Variants in LAMA1 observed in about 807,000 individuals in gnomAD.
The protein encoded by LAMA1 is laminin subunit alpha 1.
A neutral mutation model predicts 348.7 loss-of-function variants in LAMA1; 219 were observed. That is an observed-to-expected ratio of 0.63 (90% CI 0.56 to 0.70). LAMA1 has a LOEUF of 0.70. Among genes scored for constraint, LAMA1 ranks in the 30% least tolerant of loss-of-function variants. The pLI is 0.00. For synonymous variants in LAMA1, 1,487 were observed against 1,491.0 expected (o/e 1.00, Z 0.06); for missense variants, 3,744 against 3,888.0 (o/e 0.96, Z 0.99).
intron 25 of LAMA1, 56 bp from the exon 26 acceptor site, chr18:7,010,441 T>G: frequency 6.7e-7 from 1 of 1,501,608 alleles, no homozygotes. Context: ...TTCAAAAACA[T>G]TTTATTGCAA....
At chr18:7,022,481 C>A (rs1284596720) in intron 19 of LAMA1, among the ~76,000 whole-genome samples, 1 of 152,152 alleles carries the variant, frequency 6.6e-6, no homozygotes, top group Non-Finnish European at 1.5e-5. Context: ...CAGCTGGTGC[C>A]CTCTTGTGTC....
rs1206248496 is a variant in LAMA1 at position 6,999,971 on chromosome 18, C to T, written c.4409G>A (p.Gly1470Glu). ...GGCGTCACAACGGAAATCGTGGTCC[C>T]CTTCCAAGACACAAGTGGGACTAAA... is the stretch of plus-strand genomic sequence containing the variant. ...ASFSPTCVLE[G>E]DHDFRCDACL... Residue 1470 changes from glycine (G) to glutamate (E), a missense_variant, in exon 31 of 63, where the codon GGG becomes GAG. Transcript: ENST00000389658. The T allele has an allele frequency of 1.9e-6, 3 of 1,613,840 alleles. No individual in the cohort carries two copies. The highest frequency in any genetic ancestry group is 1.3e-5 in the African/African-American group (1 of 74,898).
chr18:7,002,936 A>G (rs1466032740), intron 29 of LAMA1, among the ~76,000 whole-genome samples: 1 of 151,676 alleles, frequency 6.6e-6, no homozygotes, highest in African/African-American at 2.4e-5. Flanking sequence ...GCTAGAGTGC[A>G]GTGGTGCAAT....
At chr18:6,987,779 C>G (rs557191360) in intron 36 of LAMA1, among the ~76,000 whole-genome samples, 1 of 152,212 alleles carries the variant, frequency 6.6e-6, no homozygotes, top group African/African-American at 2.4e-5. Flanking sequence ...ATAACATCGG[C>G]ACTTATAATT....
chr18:7,054,605 C>T (rs1430179090), intron 3 of LAMA1, among the ~76,000 whole-genome samples: 3 of 152,202 alleles, frequency 2.0e-5, no homozygotes, highest in Non-Finnish European at 2.9e-5. Context: ...CCATGCAATA[C>T]ATGTGTGTAA....
In LAMA1 at chr18:6,977,892, C is replaced by T; in HGVS notation, c.6191-11G>A. On this transcript the variant is annotated splice_polypyrimidine_tract_variant and intron_variant, in intron 43 of 62. Coordinates refer to ENST00000389658, the MANE Select transcript of LAMA1 (RefSeq NM_005559.4). The stretch of plus-strand genomic sequence containing the variant: ...TTCCAGCCAACAGAGCTAACAAATA[C>T]AAGAAGGCAAGGGGTGGCAAGAAAG... The T allele has an allele frequency of 6.2e-7, 1 of 1,609,528 alleles. No individual in the cohort carries two copies.
At chr18:6,942,335 T>C in intron 62 of LAMA1, 96 bp from the exon 63 acceptor site, 2 of 1,343,838 alleles carry the variant, frequency 1.5e-6, no homozygotes, top group African/African-American at 1.5e-5. Context: ...GCGGGTTTTT[T>C]TATTTTTTAA....
At chr18:7,098,032 G>T (rs1356583962) in intron 1 of LAMA1, among the ~76,000 whole-genome samples, 1 of 150,578 alleles carries the variant, frequency 6.6e-6, no homozygotes, top group Non-Finnish European at 1.5e-5. Flanking sequence ...ACTGGTTTTG[G>T]TGGAGACGGG....
At chr18:7,043,431 A>G in intron 7 of LAMA1, 26 bp from the exon 8 acceptor site, 3 of 1,581,032 alleles carry the variant, frequency 1.9e-6, no homozygotes, top group East Asian at 2.2e-5. Context: ...TAACATCTCA[A>G]TTAATTTACA....
At chr18:7,086,320 A>G (rs895507512) in intron 1 of LAMA1, among the ~76,000 whole-genome samples, 6 of 152,256 alleles carry the variant, frequency 3.9e-5, no homozygotes, top group African/African-American at 1.4e-4. Flanking sequence ...AGCAGGCATC[A>G]TCTAGGCAGA....
chr18:6,961,398 A>G (rs560831532), intron 53 of LAMA1, among the ~76,000 whole-genome samples, 188 bp downstream of exon 53: 51 of 152,372 alleles, frequency 3.3e-4, no homozygotes, highest in African/African-American at 1.2e-3. Context: ...GGATTATGCA[A>G]TATGAGAAAT....
intron 42 of LAMA1, 103 bp from the exon 43 acceptor site, chr18:6,978,481 A>G (rs2057693592): frequency 9.1e-7 from 1 of 1,104,454 alleles, no homozygotes; most frequent in Non-Finnish European, 1.3e-6. Context: ...TATTATTGTC[A>G]TATTACTGAT....
At chr18:7,068,369 C>T (rs1458996338) in intron 3 of LAMA1, among the ~76,000 whole-genome samples, 2 of 152,198 alleles carry the variant, frequency 1.3e-5, no homozygotes, top group Non-Finnish European at 2.9e-5. Flanking sequence ...ATGTGTTGTC[C>T]ACTTTCTTTG....
At chr18:7,078,546 A>G (rs1180049765) in intron 3 of LAMA1, among the ~76,000 whole-genome samples, 1 of 152,182 alleles carries the variant, frequency 6.6e-6, no homozygotes, top group Non-Finnish European at 1.5e-5. Flanking sequence ...AAAGCTATTA[A>G]AAGTGTTATT....
chr18:6,958,408 A>G, intron 55 of LAMA1, 69 bp downstream of exon 55: 1 of 1,513,590 alleles, frequency 6.6e-7, no homozygotes, highest in Admixed American at 1.7e-5. Flanking sequence ...ATGAGATTTC[A>G]GATTAGTGTT....
At chr18:7,007,313 T>C (rs1453691957) in intron 28 of LAMA1, 37 bp from the exon 29 acceptor site, 21 of 1,601,410 alleles carry the variant, frequency 1.3e-5, no homozygotes, top group Non-Finnish European at 1.8e-5. Flanking sequence ...AAAAGTCTGA[T>C]TAATGAGTGA....
At chr18:7,058,826 T>C (rs1167730673) in intron 3 of LAMA1, among the ~76,000 whole-genome samples, 1 of 152,216 alleles carries the variant, frequency 6.6e-6, no homozygotes, top group African/African-American at 2.4e-5. Context: ...TCACCAATCA[T>C]GTGTTGACAA....
intron 3 of LAMA1, among the ~76,000 whole-genome samples, chr18:7,051,871 T>G (rs184293156): frequency 6.6e-6 from 1 of 152,186 alleles, no homozygotes; most frequent in South Asian, 2.1e-4. Context: ...TTTGGCAGTT[T>G]CTTACAAAAC....
At chr18:6,947,029 GT>G in intron 61 of LAMA1, 133 bp downstream of exon 61, 1 of 1,209,968 alleles carries the variant, frequency 8.3e-7, no homozygotes, top group South Asian at 1.3e-5. Flanking sequence ...AGCAATATCT[GT>G]TTTTAAAATA....
Sources: gnomAD v4.1 joint callset for allele counts (sites outside exome capture counted in the v4.1 genomes callset) on GRCh38, gnomAD v4.1.1 for gene constraint, MANE v1.5 for transcripts, NCBI Gene and HGNC (gene_info 2026-07-23, HGNC 2026-07-21) for gene names.